Variants in GRID2 observed in about 807,000 individuals in gnomAD.
The protein encoded by GRID2 is glutamate receptor ionotropic, delta-2.
In GRID2, 33 loss-of-function variants were observed where a neutral mutation model predicts 114.8. The ratio of observed to expected loss-of-function variants is 0.29; its 90% CI spans 0.22 to 0.38. The LOEUF (loss-of-function observed/expected upper bound fraction) is 0.38. Among genes scored for constraint, GRID2 ranks in the 10% least tolerant of loss-of-function variants. GRID2 has a pLI of 1.00. For synonymous variants in GRID2, 505 were observed against 449.9 expected (o/e 1.12, Z -1.55); for missense variants, 1,184 against 1,257.7 (o/e 0.94, Z 0.89).
chr4:92,982,051 A>G (rs1427109909), intron 2 of GRID2, among the ~76,000 whole-genome samples: 9 of 149,026 alleles, frequency 6.0e-5, no homozygotes, highest in African/African-American at 2.0e-4. Context: ...AAAAAGAAAA[A>G]GAAAAAAGAA....
intron 9 of GRID2, among the ~76,000 whole-genome samples, chr4:93,421,669 T>C (rs1383395401): frequency 6.6e-6 from 1 of 152,156 alleles, no homozygotes; most frequent in Non-Finnish European, 1.5e-5. Context: ...TCTTTGACCC[T>C]GAACAATTAC....
intron 13 of GRID2, among the ~76,000 whole-genome samples, chr4:93,521,565 A>T (rs903874416): frequency 2.6e-5 from 4 of 152,136 alleles, no homozygotes; most frequent in Non-Finnish European, 1.5e-5. Flanking sequence ...AGTTTTGGAA[A>T]CCAGCAGTCA....
intron 1 of GRID2, among the ~76,000 whole-genome samples, chr4:92,554,920 T>G (rs1296853399): frequency 6.6e-6 from 1 of 152,148 alleles, no homozygotes; most frequent in African/African-American, 2.4e-5. Context: ...CCAATCAAGT[T>G]ATGGTAATTG....
chr4:92,942,281 A>C (rs1441981894), intron 2 of GRID2, among the ~76,000 whole-genome samples: 1 of 151,724 alleles, frequency 6.6e-6, no homozygotes, highest in Non-Finnish European at 1.5e-5. Context: ...TATTTAGGAT[A>C]GTTAGCTCTT....
intron 1 of GRID2, among the ~76,000 whole-genome samples, chr4:92,484,552 A>G (rs1469331648): frequency 2.0e-5 from 3 of 152,256 alleles, no homozygotes; most frequent in African/African-American, 7.2e-5. Context: ...GAAGGTGGAG[A>G]GACACATTCA....
chr4:92,683,952 T>G (rs1733776330), intron 2 of GRID2, among the ~76,000 whole-genome samples: 1 of 151,884 alleles, frequency 6.6e-6, no homozygotes, highest in Non-Finnish European at 1.5e-5. Context: ...CTTTAAAAAA[T>G]GATCAAAAAC....
At chr4:92,704,247 C>A (rs1734832384) in intron 2 of GRID2, among the ~76,000 whole-genome samples, 1 of 152,246 alleles carries the variant, frequency 6.6e-6, no homozygotes, top group South Asian at 2.1e-4. Flanking sequence ...CACTGCACTC[C>A]AGCCTGGGCG....
At chr4:92,552,010 A>G (rs1057025903) in intron 1 of GRID2, among the ~76,000 whole-genome samples, 1 of 152,146 alleles carries the variant, frequency 6.6e-6, no homozygotes, top group Admixed American at 6.6e-5. Flanking sequence ...GGTGGGCAGT[A>G]TTAGAGGAAC....
intron 2 of GRID2, among the ~76,000 whole-genome samples, chr4:92,660,927 T>C (rs1732481952): frequency 6.6e-6 from 1 of 151,120 alleles, no homozygotes; most frequent in South Asian, 2.1e-4. Context: ...TGATTAGAAA[T>C]AATAGCTATT....
chr4:93,123,989 G>T (rs1236869239), intron 4 of GRID2, among the ~76,000 whole-genome samples: 1 of 151,110 alleles, frequency 6.6e-6, no homozygotes, highest in Non-Finnish European at 1.5e-5. Context: ...ATAGCATTGG[G>T]AGATATACCT....
intron 12 of GRID2, among the ~76,000 whole-genome samples, chr4:93,498,656 T>C (rs949374431): frequency 2.0e-5 from 3 of 152,018 alleles, no homozygotes; most frequent in Non-Finnish European, 4.4e-5. Context: ...AGCTCCTTTA[T>C]TAGTTTTAGG....
chr4:93,683,927 C>A (rs958752222), intron 14 of GRID2, among the ~76,000 whole-genome samples: 1 of 151,944 alleles, frequency 6.6e-6, no homozygotes, highest in African/African-American at 2.4e-5. Context: ...TATTCAGGAA[C>A]ATTGCAAAAG....
rs573500483 is a variant in GRID2, at chr4:92,321,755, A to G, written c.88+17011A>G. On this transcript the variant is annotated intron_variant, in intron 1 of 15. Coordinates refer to ENST00000282020, the MANE Select transcript of GRID2 (RefSeq NM_001510.4). Reference sequence around the variant, plus strand: ...CTTGAATGAGTTGACCCAGTCAAAAATTGTGATGATTGGTCATTTTTATAA... The same window carrying G: ...CTTGAATGAGTTGACCCAGTCAAAAGTTGTGATGATTGGTCATTTTTATAA... 6.2e-4 allele frequency among the ~76,000 whole-genome samples: 94 copies of G among 152,264 alleles called. No homozygotes were observed. The Middle Eastern group carries it at 0.01, about 17-fold the overall frequency.
chr4:92,599,551 C>G (rs940966113), intron 2 of GRID2, among the ~76,000 whole-genome samples: 1 of 152,030 alleles, frequency 6.6e-6, no homozygotes, highest in South Asian at 2.1e-4. Context: ...ATTTCTTGTA[C>G]TGTACTTCAA....
intron 2 of GRID2, among the ~76,000 whole-genome samples, chr4:92,794,906 A>ATG (rs67927580): frequency 9.2e-6 from 1 of 108,442 alleles, no homozygotes; most frequent in Non-Finnish European, 2.0e-5. Context: ...ATATATATAT[A>ATG]CACACACACA....
chr4:92,880,290 C>A (rs1306046632), intron 2 of GRID2, among the ~76,000 whole-genome samples: 1 of 152,122 alleles, frequency 6.6e-6, no homozygotes, highest in African/African-American at 2.4e-5. Flanking sequence ...CTTTGAGGGG[C>A]TTTATTTTCC....
chr4:93,757,148 T>C (rs1732820524), intron 14 of GRID2, among the ~76,000 whole-genome samples: 1 of 152,182 alleles, frequency 6.6e-6, no homozygotes, highest in African/African-American at 2.4e-5. Context: ...ATATTATGTG[T>C]CAGAGGTTAG....
intron 1 of GRID2, among the ~76,000 whole-genome samples, chr4:92,412,406 C>T (rs928374963): frequency 9.2e-5 from 14 of 151,576 alleles, no homozygotes; most frequent in Non-Finnish European, 1.6e-4. Flanking sequence ...ATCACCTATT[C>T]CTAGAAGTGT....
chr4:93,616,500 C>T (rs954754065), intron 13 of GRID2, among the ~76,000 whole-genome samples: 9 of 148,946 alleles, frequency 6.0e-5, no homozygotes, highest in African/African-American at 9.8e-5. Flanking sequence ...TGGTCTCAGA[C>T]GAGCTACTGC....
Sources: allele counts gnomAD v4.1 joint callset (sites outside exome capture counted in the v4.1 genomes callset), GRCh38; gene constraint gnomAD v4.1.1; transcripts MANE v1.5; gene names NCBI Gene and HGNC (gene_info 2026-07-23, HGNC 2026-07-21).